The following GNMT variants were observed in gnomAD, a reference collection of about 807,000 sequenced individuals.
GNMT encodes glycine N-methyltransferase, also known as epididymis secretory sperm binding protein Li 182mP.
GNMT carries 26 observed loss-of-function variants against 30.2 expected under a neutral mutation model. The ratio of observed to expected loss-of-function variants is 0.86; its 90% CI spans 0.63 to 1.19. GNMT has a LOEUF of 1.19. Ranked by LOEUF, GNMT falls within the 50% of genes most tolerant of loss-of-function variation. The probability of loss-of-function intolerance (pLI) is 0.00; values close to 1 mark genes in which losing one functional copy is unlikely to be tolerated. For missense variants in GNMT, 365 were observed against 398.1 expected, an observed-to-expected ratio of 0.92 and a Z score of 0.71; for synonymous variants, 163 against 163.8, an observed-to-expected ratio of 1.00 and a Z score of 0.04.
At chr6:42,961,064 G>A in intron 1 of GNMT, 91 bp downstream of exon 1, 1 of 1,128,502 alleles carries the variant, frequency 8.9e-7, no homozygotes, top group Non-Finnish European at 1.2e-6. Flanking sequence ...GGCCGGGCAC[G>A]TCAGGGCGGC....
At chr6:42,961,802 C>T (rs1288575995) in intron 1 of GNMT, among the ~76,000 whole-genome samples, 1 of 152,132 alleles carries the variant, frequency 6.6e-6, no homozygotes, top group Non-Finnish European at 1.5e-5. Context: ...ATCTGCCCAC[C>T]TCGGCCTCCC....
rs1055158308 is a variant in GNMT, at chr6:42,960,909, T to C, written c.142T>C (p.Trp48Arg). 6.4e-6 allele frequency: 10 copies of C among 1,562,716 alleles called. No homozygotes were observed. The highest frequency in any genetic ancestry group is 1.7e-6 in the Non-Finnish European group (2 of 1,158,108). The change falls in exon 1 of 6, where the codon TGG becomes CGG. Residue 48 changes from tryptophan (W) to arginine (R), a missense_variant. Transcript: ENST00000372808. ...TRSRTAEYKA[W>R]LLGLLRQHGC... ...CAGCCGCACCGCCGAGTACAAGGCATGGCTGCTTGGGCTGCTGCGCCAGCA... is the reference window on the plus strand; with the variant it reads ...CAGCCGCACCGCCGAGTACAAGGCACGGCTGCTTGGGCTGCTGCGCCAGCA...
chr6:42,962,284 G>A lies in GNMT; in HGVS notation c.279G>A (p.Lys93=), dbSNP rs752276656. ...TGGATGCCAGTGACAAGATGCTGAAGTATGCACTTAAGGAGCGCTGGAACC... is the reference window on the plus strand; with the variant it reads ...TGGATGCCAGTGACAAGATGCTGAAATATGCACTTAAGGAGCGCTGGAACC... The part of the protein sequence containing the change: ...TSVDASDKML[K]YALKERWNRR... The change falls in exon 2 of 6, where the codon AAG becomes AAA. Residue 93 remains lysine (K), a synonymous_variant. Transcript: ENST00000372808. The A allele has an allele frequency of 8.7e-6, 14 of 1,614,142 alleles. No individual in the cohort carries two copies. The Admixed American group carries it at 2.2e-4, about 25-fold the overall frequency.
intron 1 of GNMT, among the ~76,000 whole-genome samples, chr6:42,961,365 A>G (rs1448799843): frequency 1.3e-5 from 2 of 152,180 alleles, no homozygotes; most frequent in African/African-American, 4.8e-5. Context: ...GCCCAGTGCC[A>G]GGAGCTTTTG....
Position 42,960,982 on chromosome 6 carries a change from A to G in GNMT, c.206+9A>G, listed in dbSNP as rs765686499. 1.9e-6 allele frequency: 3 copies of G among 1,542,902 alleles called. No individual in the cohort carries two copies. The highest frequency in any genetic ancestry group is 2.6e-6 in the Non-Finnish European group (3 of 1,149,078). ...GTAGCCTGTGGCACTGGGTGAGCCC[A>G]GGCCGGGGCCGGGGGCGTTGCATGA... is the stretch of plus-strand genomic sequence containing the variant. On this transcript the variant is annotated intron_variant, in intron 1 of 5. Coordinates refer to ENST00000372808, the MANE Select transcript of GNMT (RefSeq NM_018960.6).
intron 1 of GNMT, 41 bp downstream of exon 1, chr6:42,961,014 G>C: frequency 6.7e-7 from 1 of 1,486,326 alleles, no homozygotes; most frequent in Non-Finnish European, 9.0e-7. Flanking sequence ...ATGAGATCGG[G>C]GTCTGTCTCA....
At chr6:42,961,804 C>T (rs1769406265) in intron 1 of GNMT, among the ~76,000 whole-genome samples, 2 of 152,220 alleles carry the variant, frequency 1.3e-5, no homozygotes, top group South Asian at 2.1e-4. Flanking sequence ...CTGCCCACCT[C>T]GGCCTCCCAA....
chr6:42,960,808 C>G lies in GNMT; in HGVS notation c.41C>G (p.Ala14Gly), dbSNP rs759988463. The change falls in exon 1 of 6, where the codon GCG (alanine) becomes GGG (glycine). Residue 14 changes from alanine (A) to glycine (G), a missense_variant. By Grantham distance (60) the Ala-to-Gly change is moderately conservative. Around this residue, in one of 3 missense-constraint regions of GNMT, gnomAD observed 125 missense variants for 112.0 expected, o/e 1.12. Coordinates refer to ENST00000372808, the MANE Select transcript of GNMT (RefSeq NM_018960.6). The part of the protein sequence containing the change: ...SVYRTRSLGV[A>G]AEGLPDQYAD... ...TACCGGACCCGCTCCCTGGGGGTGG[C>G]GGCCGAAGGGCTCCCGGACCAGTAC... The G allele has an allele frequency of 6.4e-6, 10 of 1,554,190 alleles. No individual in the cohort carries two copies. Among genetic ancestry groups the G allele is most frequent in the Non-Finnish European group, 8.7e-6 (10 of 1,151,664 alleles).
At position 42,962,883 on chromosome 6, in the gene GNMT, G is replaced by A; in HGVS notation, c.451+5G>A. On this transcript the variant is annotated splice_donor_5th_base_variant and intron_variant, in intron 3 of 5. Coordinates refer to ENST00000372808, the MANE Select transcript of GNMT (RefSeq NM_018960.6). Reference sequence around the variant, plus strand: ...CTCACTTGCCAGACTGCAAAGGTAAGAGAGGGTGTGGCCTTGGGCATGGCC... The same window carrying A: ...CTCACTTGCCAGACTGCAAAGGTAAAAGAGGGTGTGGCCTTGGGCATGGCC... The A allele has an allele frequency of 6.2e-7, 1 of 1,610,300 alleles. No individual in the cohort carries two copies. Among genetic ancestry groups the A allele is most frequent in the Non-Finnish European group, 8.5e-7 (1 of 1,176,484 alleles).
rs1769511603 is a variant in GNMT at position 42,963,125 on chromosome 6, G to A, written c.505G>A (p.Ala169Thr). 6.2e-7 allele frequency: 1 copy of A among 1,612,790 alleles called. No homozygotes were observed. Among genetic ancestry groups the A allele is most frequent in the South Asian group, 1.1e-5 (1 of 91,034 alleles). ...GAAAAACATTGCGAGCATGGTGCGG[G>A]CAGGGGGCCTACTGGTCATTGATCA... ...ALKNIASMVR[A>T]GGLLVIDHRN... is the part of the protein sequence containing the mutation. Residue 169 changes from alanine (A) to threonine (T), a missense_variant, in exon 4 of 6, where the codon GCA (alanine) becomes ACA (threonine). Ala to Thr is a moderately conservative substitution (Grantham distance 58). This residue lies in a region of GNMT where 232 missense variants were observed against 263.0 expected (regional missense o/e 0.88). Transcript: ENST00000372808.
Position 42,962,336 on chromosome 6 carries a change from TGG to T in GNMT, c.334_334+1del. ...NRRHEPAFDK[W>X]VIEEANWMTL... ...GCGGCACGAGCCCGCCTTCGACAAG[TGG>T]GGTATGCAGGTCTAGCCAGGCTCCC... On this transcript the variant is annotated frameshift_variant and splice_region_variant, in exon 2 of 6. Coordinates refer to ENST00000372808, the MANE Select transcript of GNMT (RefSeq NM_018960.6). LOFTEE classifies it high-confidence loss of function. The T allele has an allele frequency of 6.2e-7, 1 of 1,613,964 alleles. No homozygotes were observed. Among genetic ancestry groups the T allele is most frequent in the African/African-American group, 1.3e-5 (1 of 75,008 alleles).
Position 42,963,773 on chromosome 6 carries a change from A to G in GNMT, c.*67A>G. ...AGGCTCTGTCTGGAAGATGGGGACCAGCAGCCCCACACCAGGGCCAGCCTC... is the reference window on the plus strand; with the variant it reads ...AGGCTCTGTCTGGAAGATGGGGACCGGCAGCCCCACACCAGGGCCAGCCTC... On this transcript the variant is annotated 3_prime_UTR_variant, in exon 6 of 6. Coordinates refer to ENST00000372808, the MANE Select transcript of GNMT (RefSeq NM_018960.6). The G allele has an allele frequency of 6.6e-7, 1 of 1,515,712 alleles. No homozygotes were observed. Among genetic ancestry groups the G allele is most frequent in the Non-Finnish European group, 9.1e-7 (1 of 1,093,770 alleles). 93.9% of individuals were successfully genotyped at this position (1,515,712 alleles called of 1,614,324 possible). A position where few individuals can be genotyped will look rare whatever the true frequency, so the allele number is the denominator to read the frequency against.
At chr6:42,962,093 G>A (rs2114227027) in intron 1 of GNMT, 119 bp from the exon 2 acceptor site, 1 of 1,142,324 alleles carries the variant, frequency 8.8e-7, no homozygotes, top group Middle Eastern at 2.3e-4. Context: ...CTGGGGAGAG[G>A]AGGCAGAGGA....
intron 1 of GNMT, 129 bp from the exon 2 acceptor site, chr6:42,962,083 C>T: frequency 9.4e-7 from 1 of 1,068,640 alleles, no homozygotes. Context: ...TGGAGAGGGC[C>T]TGGGGAGAGG....
intron 4 of GNMT, 29 bp downstream of exon 4, chr6:42,963,243 T>TG: frequency 1.2e-5 from 2 of 160,842 alleles, no homozygotes; most frequent in Non-Finnish European, 2.0e-5. Context: ...GGGGTGGGGG[T>TG]GGGGGTGGGG....
At chr6:42,961,720 A>AT (rs1451733064) in intron 1 of GNMT, among the ~76,000 whole-genome samples, 37 of 151,918 alleles carry the variant, frequency 2.4e-4, no homozygotes, top group African/African-American at 8.2e-4. Context: ...CGCCCAGCTA[A>AT]TATTTTGTAT....
chr6:42,963,130 G>A lies in GNMT; in HGVS notation c.510G>A (p.Gly170=), dbSNP rs371794899. The A allele has an allele frequency of 6.2e-7, 1 of 1,612,840 alleles. No individual in the cohort carries two copies. The highest frequency in any genetic ancestry group is 2.2e-5 in the East Asian group (1 of 44,858). Residue 170 remains glycine, a synonymous_variant, in exon 4 of 6, where the codon GGG becomes GGA. Transcript: ENST00000372808. ...LKNIASMVRA[G]GLLVIDHRNY... ...ACATTGCGAGCATGGTGCGGGCAGG[G>A]GGCCTACTGGTCATTGATCATCGCA... is the stretch of plus-strand genomic sequence containing the variant.
intron 1 of GNMT, among the ~76,000 whole-genome samples, chr6:42,961,439 A>G (rs185013957): frequency 4.8e-4 from 73 of 152,228 alleles, no homozygotes; most frequent in Admixed American, 3.6e-3. Flanking sequence ...TCTCTCATTT[A>G]CTACTGGGGA....
chr6:42,962,165 G>T (rs756091149), intron 1 of GNMT, 47 bp from the exon 2 acceptor site: 2 of 1,613,080 alleles, frequency 1.2e-6, no homozygotes, highest in East Asian at 4.5e-5. Flanking sequence ...GCCCTCCCAG[G>T]CTCCCCTAAC....
Sources: gnomAD v4.1 joint callset for allele counts (sites outside exome capture counted in the v4.1 genomes callset) on GRCh38, gnomAD v4.1.1 for gene constraint, gnomAD v4.1.1 regional missense constraint, MANE v1.5 for transcripts, NCBI Gene and HGNC (gene_info 2026-07-23, HGNC 2026-07-21) for gene names.